The following RAD51B variants were observed in gnomAD, a reference collection of about 807,000 sequenced individuals.
RAD51B encodes RAD51 paralog B, also known as DNA repair protein RAD51 homolog 2.
A neutral mutation model predicts 42.2 loss-of-function variants in RAD51B; 38 were observed. The observed-to-expected ratio is 0.90, with a 90% CI of 0.70 to 1.18. The LOEUF is 1.18. Ranked by LOEUF, RAD51B falls within the 50% of genes most tolerant of loss-of-function variation. The pLI, the probability that RAD51B is intolerant of heterozygous loss-of-function variation, is 0.00. For synonymous variants in RAD51B, 154 were observed against 145.2 expected (o/e 1.06, Z -0.43); for missense variants, 373 against 400.7 (o/e 0.93, Z 0.59).
intron 7 of RAD51B, among the ~76,000 whole-genome samples, chr14:67,912,020 T>C (rs552075217): frequency 2.6e-5 from 4 of 152,348 alleles, no homozygotes; most frequent in Non-Finnish European, 5.9e-5. Flanking sequence ...ACCAGCAATC[T>C]AGGAATTTTC....
In RAD51B at chr14:68,197,914, G is replaced by A. The variant is rs2079405129; in HGVS notation, c.757-93970G>A. Among the ~76,000 whole-genome samples, 6 of 152,160 alleles carry A rather than the reference G, an allele frequency of 3.9e-5. No individual in the cohort carries two copies. In the South Asian group the frequency reaches 1.2e-3, roughly 32 times the overall value. ...TTTCAGATATATGTACTATAACTAT[G>A]TCCTCGCAGTCCGTGGCTTGTCATT... On this transcript the variant is annotated intron_variant, in intron 7 of 10. Coordinates refer to ENST00000471583, the MANE Select transcript of RAD51B (RefSeq NM_133510.4).
At chr14:67,954,147 T>C (rs1316242649) in intron 7 of RAD51B, among the ~76,000 whole-genome samples, 3 of 152,192 alleles carry the variant, frequency 2.0e-5, no homozygotes, top group Non-Finnish European at 4.4e-5. Flanking sequence ...CTAACTCAAA[T>C]TAATTCCATT....
At chr14:68,101,123 C>T (rs1329652638) in intron 7 of RAD51B, among the ~76,000 whole-genome samples, 1 of 152,134 alleles carries the variant, frequency 6.6e-6, no homozygotes, top group African/African-American at 2.4e-5. Context: ...ACAAGAACAG[C>T]AGCATGTTGT....
intron 7 of RAD51B, among the ~76,000 whole-genome samples, chr14:68,210,974 A>G (rs2079693377): frequency 6.6e-6 from 1 of 152,222 alleles, no homozygotes; most frequent in Non-Finnish European, 1.5e-5. Flanking sequence ...ATTCTTTACT[A>G]ACAGAATGGT....
At chr14:68,132,601 CAT>C (rs2077917566) in intron 7 of RAD51B, among the ~76,000 whole-genome samples, 1 of 152,178 alleles carries the variant, frequency 6.6e-6, no homozygotes, top group South Asian at 2.1e-4. Context: ...AGGAATGTCT[CAT>C]GTGAACAAAG....
chr14:67,864,655 G>A (rs2042265577), intron 4 of RAD51B: 1 of 311,732 alleles, frequency 3.2e-6, no homozygotes, highest in Non-Finnish European at 6.4e-6. Flanking sequence ...TCTTCATGAG[G>A]AAAAGGTATA....
At chr14:68,524,239 G>A (rs906343679) in intron 10 of RAD51B, among the ~76,000 whole-genome samples, 2 of 152,182 alleles carry the variant, frequency 1.3e-5, no homozygotes. Flanking sequence ...CTGCTGTCAC[G>A]ATCCTCAAAT....
chr14:68,038,196 C>T (rs2076163209), intron 7 of RAD51B, among the ~76,000 whole-genome samples: 1 of 152,202 alleles, frequency 6.6e-6, no homozygotes, highest in South Asian at 2.1e-4. Flanking sequence ...CTTATAATTT[C>T]CTCTTTTATC....
intron 7 of RAD51B, among the ~76,000 whole-genome samples, chr14:68,276,568 A>G (rs2081229048): frequency 6.6e-6 from 1 of 152,164 alleles, no homozygotes; most frequent in Non-Finnish European, 1.5e-5. Flanking sequence ...CTATGCTTCC[A>G]GTATCTACAG....
At chr14:68,223,542 G>T (rs577423832) in intron 7 of RAD51B, among the ~76,000 whole-genome samples, 1 of 152,332 alleles carries the variant, frequency 6.6e-6, no homozygotes, top group East Asian at 1.9e-4. Flanking sequence ...ATGTGTAATT[G>T]TTAAGGGAAT....
At chr14:68,406,096 G>C (rs1259093540) in intron 8 of RAD51B, among the ~76,000 whole-genome samples, 3 of 152,150 alleles carry the variant, frequency 2.0e-5, no homozygotes, top group Non-Finnish European at 4.4e-5. Flanking sequence ...TTTTTAATTA[G>C]TCATTTAGTC....
intron 8 of RAD51B, among the ~76,000 whole-genome samples, chr14:68,297,457 T>A (rs2081636931): frequency 6.6e-6 from 1 of 152,218 alleles, no homozygotes; most frequent in Admixed American, 6.5e-5. Context: ...TTGTAATCCA[T>A]TAACCACAGA....
At chr14:68,363,249 C>T (rs1258571481) in intron 8 of RAD51B, among the ~76,000 whole-genome samples, 1 of 152,098 alleles carries the variant, frequency 6.6e-6, no homozygotes, top group Non-Finnish European at 1.5e-5. Flanking sequence ...CAAATTCTAT[C>T]GATAAACAGA....
chr14:68,417,104 G>A lies in RAD51B; in HGVS notation c.957+5577G>A, dbSNP rs375257944. On this transcript the variant is annotated intron_variant, in intron 9 of 10. Transcript: ENST00000471583. ...GTTTTACCTGATGTAAGTCATAGTT[G>A]TATATCTCCCTACTCCTAGATTCCT... Among the ~76,000 whole-genome samples the A allele has an allele frequency of 7.9e-5, 12 of 152,262 alleles. No individual in the cohort carries two copies. The East Asian group carries it at 2.1e-3, about 27-fold the overall frequency.
chr14:67,939,040 A>T (rs933379491), intron 7 of RAD51B, among the ~76,000 whole-genome samples: 2 of 152,212 alleles, frequency 1.3e-5, no homozygotes, highest in Non-Finnish European at 2.9e-5. Context: ...AATTTGAGAG[A>T]CTAGTTGAAA....
intron 8 of RAD51B, among the ~76,000 whole-genome samples, chr14:68,333,329 T>C (rs2082385248): frequency 6.6e-6 from 1 of 152,134 alleles, no homozygotes; most frequent in Non-Finnish European, 1.5e-5. Context: ...ATTAAGGAAA[T>C]AAAAATTAAT....
At chr14:68,209,047 T>A (rs1410584684) in intron 7 of RAD51B, among the ~76,000 whole-genome samples, 1 of 152,204 alleles carries the variant, frequency 6.6e-6, no homozygotes, top group Non-Finnish European at 1.5e-5. Flanking sequence ...GGTGTAGCAC[T>A]TTGCAGAAGT....
intron 7 of RAD51B, among the ~76,000 whole-genome samples, chr14:68,188,412 C>T (rs1055427557): frequency 1.3e-5 from 2 of 151,020 alleles, no homozygotes; most frequent in Non-Finnish European, 2.9e-5. Context: ...CCCTTTCTCC[C>T]ATCTTTCTTC....
At chr14:68,563,042 G>A (rs1289925513) in intron 10 of RAD51B, 3 of 985,320 alleles carry the variant, frequency 3.0e-6, no homozygotes, top group Non-Finnish European at 3.6e-6. Flanking sequence ...TCTCACCCTG[G>A]CCGCTTCTCT....
Sources: allele counts gnomAD v4.1 joint callset (sites outside exome capture counted in the v4.1 genomes callset), GRCh38; gene constraint gnomAD v4.1.1; transcripts MANE v1.5; gene names NCBI Gene and HGNC (gene_info 2026-07-23, HGNC 2026-07-21).